Variants in NPSR1 observed in about 807,000 individuals in gnomAD.
NPSR1 encodes neuropeptide S receptor 1, also known as neuropeptide S receptor.
In NPSR1, 48 loss-of-function variants were observed where a neutral mutation model predicts 46.9. The ratio of observed to expected loss-of-function variants is 1.02; its 90% CI spans 0.81 to 1.30. The LOEUF (loss-of-function observed/expected upper bound fraction) is 1.30, where lower values mean the gene tolerates loss of function less well. Ranked by LOEUF, NPSR1 falls within the 50% of genes most tolerant of loss-of-function variation. The pLI is 0.00. For synonymous variants in NPSR1, 176 were observed against 168.1 expected, an observed-to-expected ratio of 1.05 and a Z score of -0.36; for missense variants, 450 against 449.5, an observed-to-expected ratio of 1.00 and a Z score of -0.01.
intron 1 of NPSR1, among the ~76,000 whole-genome samples, chr7:34,682,750 T>C (rs562466125): frequency 6.6e-6 from 1 of 152,330 alleles, no homozygotes; most frequent in Admixed American, 6.5e-5. Flanking sequence ...TACGGTCCTT[T>C]GCATAACAAT....
chr7:34,728,025 T>C (rs1209022424), intron 2 of NPSR1, among the ~76,000 whole-genome samples: 3 of 151,568 alleles, frequency 2.0e-5, no homozygotes, highest in Non-Finnish European at 4.4e-5. Context: ...AAAACCACCA[T>C]CTGGGAAGAA....
chr7:34,802,351 C>T (rs1402322536), intron 3 of NPSR1, among the ~76,000 whole-genome samples: 1 of 150,178 alleles, frequency 6.7e-6, no homozygotes, highest in African/African-American at 2.5e-5. Flanking sequence ...CAGCATGGTA[C>T]TGGTACCAAA....
chr7:34,702,585 C>T (rs1793886021), intron 2 of NPSR1, among the ~76,000 whole-genome samples: 1 of 152,186 alleles, frequency 6.6e-6, no homozygotes. Context: ...GACTTATTAT[C>T]TTGGCAGACT....
chr7:34,733,501 T>C lies in NPSR1; in HGVS notation c.281-44961T>C, dbSNP rs544630949. ...ACTATCAAGGCTTTGCAATAGCCTA[T>C]CCTGCAAAATAAAAGTTAGTTCAAA... On this transcript the variant is annotated intron_variant, in intron 2 of 8. Transcript: ENST00000360581. Among the ~76,000 whole-genome samples, 11 of 152,186 alleles carry C rather than the reference T, an allele frequency of 7.2e-5. No homozygotes were observed. In the East Asian group the frequency reaches 2.1e-3, roughly 29 times the overall value.
At chr7:34,810,091 G>T (rs1190237432) in intron 3 of NPSR1, among the ~76,000 whole-genome samples, 1 of 152,170 alleles carries the variant, frequency 6.6e-6, no homozygotes, top group East Asian at 1.9e-4. Context: ...ACCACAATGT[G>T]CTTGATTGTT....
At chr7:34,762,081 G>A (rs2128729378) in intron 2 of NPSR1, among the ~76,000 whole-genome samples, 1 of 152,264 alleles carries the variant, frequency 6.6e-6, no homozygotes, top group South Asian at 2.1e-4. Context: ...GAGGACTTGG[G>A]TTTCCTTAAT....
At chr7:34,769,193 T>C (rs1786567658) in intron 2 of NPSR1, among the ~76,000 whole-genome samples, 1 of 152,186 alleles carries the variant, frequency 6.6e-6, no homozygotes, top group South Asian at 2.1e-4. Context: ...TTGTCTCCAC[T>C]ATTGGCTTAT....
chr7:34,769,388 C>A (rs1266385445), intron 2 of NPSR1, among the ~76,000 whole-genome samples: 2 of 152,134 alleles, frequency 1.3e-5, no homozygotes, highest in African/African-American at 4.8e-5. Flanking sequence ...CTAAAGAAAT[C>A]TATTTATAAT....
At chr7:34,692,704 G>A (rs1732078516) in intron 2 of NPSR1, among the ~76,000 whole-genome samples, 1 of 151,940 alleles carries the variant, frequency 6.6e-6, no homozygotes, top group Admixed American at 6.6e-5. Flanking sequence ...TAATAACAAA[G>A]ATCAGAGCAC....
intron 2 of NPSR1, among the ~76,000 whole-genome samples, chr7:34,703,326 G>A (rs577654776): frequency 2.2e-4 from 33 of 152,228 alleles, no homozygotes; most frequent in Non-Finnish European, 3.5e-4. Flanking sequence ...AGCCGAGATC[G>A]CGCCACTGCC....
In NPSR1 at chr7:34,679,722, T is replaced by C. The variant is rs571463247; in HGVS notation, c.148-4830T>C. ...TATGTAATTGAAGATGAAATAGACA[T>C]AAAATCACAAGCCAAATAAAAATAT... On this transcript the variant is annotated intron_variant, in intron 1 of 8. Coordinates refer to ENST00000360581, the MANE Select transcript of NPSR1 (RefSeq NM_207172.2). Among the ~76,000 whole-genome samples, 11 of 152,136 alleles carry C rather than the reference T, an allele frequency of 7.2e-5. 2 individuals carry two copies. The highest frequency in any genetic ancestry group is 6.2e-4 in the South Asian group (3 of 4,820).
At chr7:34,754,448 A>G (rs1785710998) in intron 2 of NPSR1, among the ~76,000 whole-genome samples, 1 of 151,934 alleles carries the variant, frequency 6.6e-6, no homozygotes, top group Non-Finnish European at 1.5e-5. Flanking sequence ...CAGCTGATGA[A>G]TTTTCACAAA....
At chr7:34,685,757 A>T (rs773888911) in intron 2 of NPSR1, 2 of 392,650 alleles carry the variant, frequency 5.1e-6, no homozygotes, top group South Asian at 3.6e-5. Context: ...AAAGTATAAC[A>T]AGCCCACCTG....
intron 1 of NPSR1, among the ~76,000 whole-genome samples, chr7:34,684,347 T>C (rs1792811877): frequency 1.3e-5 from 2 of 152,352 alleles, no homozygotes; most frequent in South Asian, 4.1e-4. Context: ...TTGACGTATA[T>C]TTCCAAAAGA....
At chr7:34,876,414 A>G (rs1278033782) in intron 8 of NPSR1, among the ~76,000 whole-genome samples, 1 of 152,210 alleles carries the variant, frequency 6.6e-6, no homozygotes, top group East Asian at 1.9e-4. Context: ...AAGCATAGGA[A>G]AGTACTTAGC....
chr7:34,761,511 T>A (rs999839784), intron 2 of NPSR1, among the ~76,000 whole-genome samples: 1 of 152,202 alleles, frequency 6.6e-6, no homozygotes, highest in Non-Finnish European at 1.5e-5. Context: ...CATTTCCCTA[T>A]GTACAAGCGT....
intron 3 of NPSR1, among the ~76,000 whole-genome samples, chr7:34,785,369 T>G: frequency 8.9e-6 from 1 of 111,814 alleles, no homozygotes; most frequent in Non-Finnish European, 1.7e-5. Flanking sequence ...CATCACACTC[T>G]GGGCACTGTT....
chr7:34,699,537 G>C lies in NPSR1; in HGVS notation c.280+14853G>C, dbSNP rs76044349. 5.9e-3 allele frequency among the ~76,000 whole-genome samples: 897 copies of C among 152,216 alleles called. 7 individuals carry two copies. Among genetic ancestry groups the C allele is most frequent in the African/African-American group, 0.021 (852 of 41,534 alleles). The stretch of plus-strand genomic sequence containing the variant: ...AAATTTATTTCCTCGCAGTCCTGTA[G>C]GCTGAAAGTTTAACATTAGGGTGCC... On this transcript the variant is annotated intron_variant, in intron 2 of 8. Transcript: ENST00000360581.
chr7:34,683,620 G>A (rs1286714299), intron 1 of NPSR1, among the ~76,000 whole-genome samples: 3 of 152,128 alleles, frequency 2.0e-5, no homozygotes, highest in African/African-American at 4.8e-5. Context: ...CAGGGTCTGG[G>A]AAGGTGCTGG....
Sources: gnomAD v4.1 joint callset for allele counts (sites outside exome capture counted in the v4.1 genomes callset) on GRCh38, gnomAD v4.1.1 for gene constraint, MANE v1.5 for transcripts, NCBI Gene and HGNC (gene_info 2026-07-23, HGNC 2026-07-21) for gene names.